Variants in PLSCR5 observed in about 807,000 individuals in gnomAD.
PLSCR5 encodes the protein phospholipid scramblase family, member 5.
In PLSCR5, 44 loss-of-function variants were observed where a neutral mutation model predicts 33.6. That is an observed-to-expected ratio of 1.31 (90% CI 1.03 to 1.69). The LOEUF is 1.69. Ranked by LOEUF, PLSCR5 falls within the 40% of genes most tolerant of loss-of-function variation. The probability of loss-of-function intolerance (pLI) is 0.00; values close to 1 mark genes in which losing one functional copy is unlikely to be tolerated. For synonymous variants in PLSCR5, 148 were observed against 112.3 expected (o/e 1.32, Z -2.01); for missense variants, 375 against 318.7 (o/e 1.18, Z -1.34).
intron 5 of PLSCR5, 70 bp downstream of exon 5, chr3:146,591,650 A>G: frequency 6.9e-7 from 1 of 1,440,106 alleles, no homozygotes; most frequent in South Asian, 1.3e-5. Flanking sequence ...TTGAACATAA[A>G]AAAATTGAAT....
chr3:146,598,362 T>C (rs2044780623), intron 2 of PLSCR5, among the ~76,000 whole-genome samples: 1 of 152,188 alleles, frequency 6.6e-6, no homozygotes, highest in Non-Finnish European at 1.5e-5. Context: ...TTCATCCTTT[T>C]ATATGTGCAC....
chr3:146,592,990 T>G (rs901418252), intron 4 of PLSCR5, among the ~76,000 whole-genome samples: 2 of 152,156 alleles, frequency 1.3e-5, no homozygotes, highest in Non-Finnish European at 2.9e-5. Flanking sequence ...GATGCTTACC[T>G]AAAAATAGTT....
rs757681916 is a variant in PLSCR5, at chr3:146,591,776, A to C, written c.559T>G (p.Leu187Val). The C allele has an allele frequency of 6.2e-7, 1 of 1,612,204 alleles. No homozygotes were observed. The highest frequency in any genetic ancestry group is 1.1e-5 in the South Asian group (1 of 90,782). The change falls in exon 5 of 8, where the codon TTG (leucine) becomes GTG (valine). Residue 187 changes from leucine (L) to valine (V), a missense_variant. Physicochemically the swap from Leu to Val is conservative, Grantham distance 32. Coordinates refer to ENST00000443512, the MANE Select transcript of PLSCR5 (RefSeq NM_001085420.2). ...GTCACACAAGGACCAACAATTTTCA[A>C]AATATCTTCTTTGTTTGCATTTTGG... ...TIQNANKEDILKIVGPCVTCG... is the reference protein window; with the variant it reads ...TIQNANKEDIVKIVGPCVTCG...
At position 146,599,828 on chromosome 3, in the gene PLSCR5, G is replaced by A. The variant is rs2044795891; in HGVS notation, c.189+460C>T. On this transcript the variant is annotated intron_variant, in intron 2 of 7. Transcript: ENST00000443512. Reference sequence around the variant, plus strand: ...CGAGTAGCTAGGACCACAGGCAAATGTCACCATGCCCTGATAATTTTTATA... The same window carrying A: ...CGAGTAGCTAGGACCACAGGCAAATATCACCATGCCCTGATAATTTTTATA... Among the ~76,000 whole-genome samples the A allele has an allele frequency of 2.0e-5, 3 of 152,008 alleles. No individual in the cohort carries two copies. The South Asian group carries it at 6.2e-4, about 32-fold the overall frequency.
At chr3:146,603,471 G>A (rs1001052035) in intron 1 of PLSCR5, among the ~76,000 whole-genome samples, 7 of 152,070 alleles carry the variant, frequency 4.6e-5, no homozygotes, top group African/African-American at 1.7e-4. Flanking sequence ...GGTTGCAGAA[G>A]GAGGGTCAGT....
At chr3:146,581,525 T>C (rs1358771416), downstream of PLSCR5, among the ~76,000 whole-genome samples, 2 of 152,200 alleles carry the variant, frequency 1.3e-5, no homozygotes, top group African/African-American at 4.8e-5. Flanking sequence ...CAATGTACCA[T>C]TGAATATAAT....
intron 2 of PLSCR5, among the ~76,000 whole-genome samples, chr3:146,597,202 T>G (rs2044768707): frequency 6.6e-6 from 1 of 152,178 alleles, no homozygotes; most frequent in South Asian, 2.1e-4. Flanking sequence ...AGTACCTCTC[T>G]AATATCCAAC....
chr3:146,602,073 C>T (rs1029666712), intron 1 of PLSCR5, among the ~76,000 whole-genome samples: 3 of 151,908 alleles, frequency 2.0e-5, no homozygotes, highest in Non-Finnish European at 4.4e-5. Flanking sequence ...GTCAAATGGC[C>T]CTACTAAAAT....
In PLSCR5 at chr3:146,589,650, TACAAAG is replaced by T. The variant is rs2044695891; in HGVS notation, c.774_777+2del. ...CACTCATGCTCTCAAAGCCCATACT[TACAAAG>T]AGAAAACAGGCACCGATCATTGCTG... is the stretch of plus-strand genomic sequence containing the variant. On this transcript the variant is annotated splice_donor_variant and coding_sequence_variant, in exon 6 of 8. Transcript: ENST00000443512. LOFTEE classifies it high-confidence loss of function. 1.2e-5 allele frequency: 19 copies of T among 1,573,460 alleles called. No individual in the cohort carries two copies. The highest frequency in any genetic ancestry group is 1.6e-5 in the Non-Finnish European group (19 of 1,152,260).
At chr3:146,596,218 C>A (rs770150871) in intron 2 of PLSCR5, among the ~76,000 whole-genome samples, 2 of 152,088 alleles carry the variant, frequency 1.3e-5, no homozygotes, top group Non-Finnish European at 2.9e-5. Flanking sequence ...AGACAGAGTT[C>A]AGCTTTGTGG....
chr3:146,601,089 A>G (rs942784628), intron 1 of PLSCR5, among the ~76,000 whole-genome samples: 1 of 151,172 alleles, frequency 6.6e-6, no homozygotes, highest in Admixed American at 6.6e-5. Flanking sequence ...ATCATAATCA[A>G]AGAATTCTAT....
At chr3:146,594,236 G>T in intron 3 of PLSCR5, 96 bp from the exon 4 acceptor site, 1 of 844,488 alleles carries the variant, frequency 1.2e-6, no homozygotes, top group Non-Finnish European at 1.8e-6. Flanking sequence ...TACAGTGTCT[G>T]ATCAATTATT....
chr3:146,577,259 G>A (rs2044604536), intron 7 of PLSCR5, among the ~76,000 whole-genome samples: 1 of 151,972 alleles, frequency 6.6e-6, no homozygotes, highest in Admixed American at 6.6e-5. Flanking sequence ...ATTTAAAATG[G>A]TGGGGCATTT....
intron 6 of PLSCR5, among the ~76,000 whole-genome samples, chr3:146,588,667 A>G (rs938323019): frequency 1.1e-4 from 16 of 152,160 alleles, no homozygotes; most frequent in Non-Finnish European, 2.1e-4. Flanking sequence ...TTCTATTGTC[A>G]GAAAGGACAT....
intron 2 of PLSCR5, among the ~76,000 whole-genome samples, chr3:146,596,700 T>C (rs545672706): frequency 2.0e-5 from 3 of 152,212 alleles, no homozygotes; most frequent in Non-Finnish European, 4.4e-5. Context: ...TTGGTATTGA[T>C]TGGACATCAC....
In PLSCR5 at chr3:146,600,431, A is replaced by G. The variant is rs1322287676; in HGVS notation, c.46T>C (p.Phe16Leu). The G allele has an allele frequency of 6.9e-6, 11 of 1,602,604 alleles. No homozygotes were observed. The highest frequency in any genetic ancestry group is 1.7e-4 in the Middle Eastern group (1 of 6,026). Residue 16 changes from phenylalanine (F) to leucine (L), a missense_variant, in exon 2 of 8, where the codon TTT becomes CTT. Transcript: ENST00000443512. ...AQNQRRGLPG[F>L]LPGAPDPDQS... ...TCTGGGTCTGGAGCTCCAGGAAGAA[A>G]ACCAGGCAGACCTCTTCTTTGGTTC... is the stretch of plus-strand genomic sequence containing the variant.
chr3:146,598,059 T>C (rs1419837860), intron 2 of PLSCR5, among the ~76,000 whole-genome samples: 3 of 152,142 alleles, frequency 2.0e-5, no homozygotes, highest in Non-Finnish European at 4.4e-5. Flanking sequence ...GTACATTATA[T>C]AGCTAAACAC....
At chr3:146,594,390 T>C (rs772012989) in intron 3 of PLSCR5, among the ~76,000 whole-genome samples, 2 of 152,050 alleles carry the variant, frequency 1.3e-5, no homozygotes, top group African/African-American at 2.4e-5. Context: ...CTTGAGAACA[T>C]GTAGTGTACC....
chr3:146,583,191 C>T (rs2044645141), downstream of PLSCR5, among the ~76,000 whole-genome samples: 1 of 152,176 alleles, frequency 6.6e-6, no homozygotes, highest in Admixed American at 6.5e-5. Flanking sequence ...TTAAACACTT[C>T]TCATATCTGA....
Sources: gnomAD v4.1 joint callset for allele counts (sites outside exome capture counted in the v4.1 genomes callset) on GRCh38, gnomAD v4.1.1 for gene constraint, MANE v1.5 for transcripts, NCBI Gene and HGNC (gene_info 2026-07-23, HGNC 2026-07-21) for gene names.